Variants in C7orf25 observed in about 807,000 individuals in gnomAD.
C7orf25 encodes UPF0415 protein C7orf25.
In C7orf25, 14 loss-of-function variants were observed where a neutral mutation model predicts 25.5. That is an observed-to-expected ratio of 0.55 (90% CI 0.36 to 0.86). C7orf25 has a LOEUF of 0.86. Among genes scored for constraint, C7orf25 ranks in the 40% least tolerant of loss-of-function variants. The pLI, the probability that C7orf25 is intolerant of heterozygous loss-of-function variation, is 0.01. For synonymous variants in C7orf25, 184 were observed against 179.9 expected (o/e 1.02, Z -0.18); for missense variants, 405 against 493.9 (o/e 0.82, Z 1.71).
Position 42,910,484 on chromosome 7 carries a change from G to A in C7orf25, c.417C>T (p.Asp139=), listed in dbSNP as rs1785864404. ...NIWLGRGQYG[D]KSIIEQAEDF... Reference sequence around the variant, plus strand: ...CTTCAGCCTGCTCAATGATGCTTTTGTCACCATATTGGCCCCTGCCCAGCC... The same window carrying A: ...CTTCAGCCTGCTCAATGATGCTTTTATCACCATATTGGCCCCTGCCCAGCC... Residue 139 remains aspartate (D), a synonymous_variant, in exon 2 of 2, where the codon GAC becomes GAT. Coordinates refer to ENST00000350427, the MANE Select transcript of C7orf25 (RefSeq NM_001099858.2). 4 of 1,614,244 alleles carry A rather than the reference G, an allele frequency of 2.5e-6. No individual in the cohort carries two copies. Among genetic ancestry groups the A allele is most frequent in the Non-Finnish European group, 3.4e-6 (4 of 1,180,044 alleles).
intron 1 of C7orf25, 165 bp from the exon 2 acceptor site, chr7:42,911,086 G>T: frequency 8.6e-7 from 1 of 1,160,068 alleles, no homozygotes; most frequent in Non-Finnish European, 1.2e-6. Context: ...TCCTCTGATA[G>T]CTAAGGAAAG....
chr7:42,911,334 T>C, intron 1 of C7orf25: 1 of 1,132,566 alleles, frequency 8.8e-7, no homozygotes, highest in Non-Finnish European at 1.1e-6. Context: ...ACAGACTGGC[T>C]AGTTAGCAAA....
chr7:42,909,476 G>C lies in C7orf25; in HGVS notation c.*159C>G. On this transcript the variant is annotated 3_prime_UTR_variant, in exon 2 of 2. Coordinates refer to ENST00000350427, the MANE Select transcript of C7orf25 (RefSeq NM_001099858.2). Reference sequence around the variant, plus strand: ...TCTCTCTTGTGCTTTTTCTACTTTGGGAGGTTATATACTTTAGATGAGAGA... The same window carrying C: ...TCTCTCTTGTGCTTTTTCTACTTTGCGAGGTTATATACTTTAGATGAGAGA... 1.4e-6 allele frequency: 1 copy of C among 702,476 alleles called. No individual in the cohort carries two copies. The highest frequency in any genetic ancestry group is 2.3e-6 in the Non-Finnish European group (1 of 442,944). 43.5% of individuals were successfully genotyped at this position (702,476 alleles called of 1,614,324 possible).
rs916437773 is a variant in C7orf25, at chr7:42,910,551, A to G, written c.350T>C (p.Val117Ala). 2 of 1,614,064 alleles carry G rather than the reference A, an allele frequency of 1.2e-6. No individual in the cohort carries two copies. Among genetic ancestry groups the G allele is most frequent in the Non-Finnish European group, 1.7e-6 (2 of 1,180,044 alleles). ...DVVANGGHTWVKAIGRKAEAL... is the reference protein window; with the variant it reads ...DVVANGGHTWAKAIGRKAEAL... ...TTCAGCCTTCCGGCCAATGGCTTTC[A>G]CCCAAGTATGACCACCATTTGCAAC... The change falls in exon 2 of 2, where the codon GTG becomes GCG. Residue 117 changes from valine (V) to alanine (A), a missense_variant. Transcript: ENST00000350427.
At position 42,911,428 on chromosome 7, in the gene C7orf25, C is replaced by T. The variant is rs1002708766; in HGVS notation, c.-22+487G>A. ...CCTTCCCGAGTTGGTCTCCTTCAACCGGCTGCCTCATGATTTCCCCCGAGG... is the reference window on the plus strand; with the variant it reads ...CCTTCCCGAGTTGGTCTCCTTCAACTGGCTGCCTCATGATTTCCCCCGAGG... On this transcript the variant is annotated intron_variant, in intron 1 of 1. Transcript: ENST00000350427. 3 of 1,010,594 alleles carry T rather than the reference C, an allele frequency of 3.0e-6. No individual in the cohort carries two copies. In the East Asian group the frequency reaches 3.1e-4, roughly 105 times the overall value. 62.6% of individuals were successfully genotyped at this position (1,010,594 alleles called of 1,614,324 possible). A position where few individuals can be genotyped will look rare whatever the true frequency, so the allele number is the denominator to read the frequency against.
chr7:42,911,737 C>A (rs1785907695), intron 1 of C7orf25, 178 bp downstream of exon 1: 14 of 1,209,396 alleles, frequency 1.2e-5, no homozygotes, highest in South Asian at 7.5e-5. Flanking sequence ...CACAGCCGGG[C>A]CCTGCCAGGA....
rs745878539 is a variant in C7orf25 at position 42,912,007 on chromosome 7, C to A, written c.-114G>T. On this transcript the variant is annotated 5_prime_UTR_variant, in exon 1 of 2. Coordinates refer to ENST00000350427, the MANE Select transcript of C7orf25 (RefSeq NM_001099858.2). The stretch of plus-strand genomic sequence containing the variant: ...AATCTCAACCGGGCAGCCCCCACCC[C>A]GCTCGAACGCCGAGGCGGCTCCACC... The A allele has an allele frequency of 1.7e-5, 26 of 1,487,316 alleles. No individual in the cohort carries two copies. The highest frequency in any genetic ancestry group is 4.6e-5 in the Admixed American group (2 of 43,670). The allele number at this position is 1,487,316 out of a possible 1,614,324, so 92.1% of individuals were successfully genotyped here.
Position 42,912,034 on chromosome 7 carries a change from G to C in C7orf25, c.-141C>G, listed in dbSNP as rs956692185. 1 of 1,471,208 alleles carries C rather than the reference G, an allele frequency of 6.8e-7. No homozygotes were observed. Among genetic ancestry groups the C allele is most frequent in the Non-Finnish European group, 8.9e-7 (1 of 1,119,532 alleles). The allele number at this position is 1,471,208 out of a possible 1,614,324, so 91.1% of individuals were successfully genotyped here. A position where few individuals can be genotyped will look rare whatever the true frequency, so the allele number is the denominator to read the frequency against. On this transcript the variant is annotated 5_prime_UTR_variant, in exon 1 of 2. Coordinates refer to ENST00000350427, the MANE Select transcript of C7orf25 (RefSeq NM_001099858.2). The stretch of plus-strand genomic sequence containing the variant: ...CTCGAACGCCGAGGCGGCTCCACCC[G>C]CGCGAGCCCCGCCGCCTCGGGCACC...
rs1326491990 is a variant in C7orf25 at position 42,911,947 on chromosome 7, A to C, written c.-54T>G. 6.7e-7 allele frequency: 1 copy of C among 1,485,854 alleles called. No individual in the cohort carries two copies. Among genetic ancestry groups the C allele is most frequent in the Non-Finnish European group, 8.9e-7 (1 of 1,125,716 alleles). The allele number at this position is 1,485,854 out of a possible 1,614,324, so 92.0% of individuals were successfully genotyped here. A position where few individuals can be genotyped will look rare whatever the true frequency, so the allele number is the denominator to read the frequency against. On this transcript the variant is annotated 5_prime_UTR_variant, in exon 1 of 2. Coordinates refer to ENST00000350427, the MANE Select transcript of C7orf25 (RefSeq NM_001099858.2). ...GCCAGAACCGCGAGCGCGAGCACGC[A>C]GGCGCGTGCACGCAGAGGCCGGGAC...
In C7orf25 at chr7:42,910,598, C is replaced by A. The variant is rs773873701; in HGVS notation, c.303G>T (p.Lys101Asn). ...CAACTACATCTACCACAAGGGTTTG[C>A]TTTTCTCCTAAGGTATCTGTATAAC... ...VFGYTDTLGE[K>N]QTLVVDVVAN... Residue 101 changes from lysine to asparagine, a missense_variant, in exon 2 of 2, where the codon AAG becomes AAT. By Grantham distance (94) the Lys-to-Asn change is moderately conservative. Transcript: ENST00000350427. 2 of 1,614,180 alleles carry A rather than the reference C, an allele frequency of 1.2e-6. No individual in the cohort carries two copies. Among genetic ancestry groups the A allele is most frequent in the Non-Finnish European group, 1.7e-6 (2 of 1,180,054 alleles).
Position 42,910,628 on chromosome 7 carries a change from G to A in C7orf25, c.273C>T (p.Val91=). ...NLEEVVSVLH[V]FGYTDTLGEK... The stretch of plus-strand genomic sequence containing the variant: ...CTCCTAAGGTATCTGTATAACCAAA[G>A]ACATGAAGAACACTAACAACTTCTT... The change falls in exon 2 of 2, where the codon GTC becomes GTT. Residue 91 remains valine, a synonymous_variant. Coordinates refer to ENST00000350427, the MANE Select transcript of C7orf25 (RefSeq NM_001099858.2). The A allele has an allele frequency of 1.2e-6, 2 of 1,614,112 alleles. No individual in the cohort carries two copies. Among genetic ancestry groups the A allele is most frequent in the South Asian group, 2.2e-5 (2 of 91,088 alleles).
chr7:42,909,831 C>T lies in C7orf25; in HGVS notation c.1070G>A (p.Arg357His). 5 of 1,614,080 alleles carry T rather than the reference C, an allele frequency of 3.1e-6. No individual in the cohort carries two copies. The highest frequency in any genetic ancestry group is 2.2e-5 in the East Asian group (1 of 44,880). The stretch of plus-strand genomic sequence containing the variant: ...TCCCGTCCCAAAAATTGTTAATGAG[C>T]GGCTATTAATTTTTGAACTGGCCAC... The part of the protein sequence containing the change: ...RLVASSKINS[R>H]SLTIFGTGDT... The change falls in exon 2 of 2, where the codon CGC becomes CAC. Residue 357 changes from arginine (R) to histidine (H), a missense_variant. Arg to His is a conservative substitution (Grantham distance 29). Transcript: ENST00000350427.
At chr7:42,911,667 C>A in intron 1 of C7orf25, 3 of 1,126,082 alleles carry the variant, frequency 2.7e-6, no homozygotes, top group Non-Finnish European at 3.3e-6. Flanking sequence ...GTGGGCGGGC[C>A]AGAGGCCGGC....
Position 42,909,754 on chromosome 7 carries a change from C to A in C7orf25, c.1147G>T (p.Ala383Ser), listed in dbSNP as rs1270800050. 1 of 1,614,202 alleles carries A rather than the reference C, an allele frequency of 6.2e-7. No homozygotes were observed. The change falls in exon 2 of 2, where the codon GCA becomes TCA. Residue 383 changes from alanine to serine, a missense_variant. By Grantham distance (99) the Ala-to-Ser change is moderately conservative. Transcript: ENST00000350427. ...CTAAATTTAACACCCTGGTTGTTTG[C>A]AGCTCTGACAAAACCACTATTAGCA... ...MTANSGFVRA[A>S]NNQGVKFSVF...
Position 42,909,893 on chromosome 7 carries a change from C to T in C7orf25, c.1008G>A (p.Val336=). 6.2e-7 allele frequency: 1 copy of T among 1,614,186 alleles called. No individual in the cohort carries two copies. Among genetic ancestry groups the T allele is most frequent in the Non-Finnish European group, 8.5e-7 (1 of 1,180,048 alleles). Residue 336 remains valine (V), a synonymous_variant, in exon 2 of 2, where the codon GTG becomes GTA. Coordinates refer to ENST00000350427, the MANE Select transcript of C7orf25 (RefSeq NM_001099858.2). The part of the protein sequence containing the change: ...RATVLIKRIN[V]VPDQPSERAL... ...CACGCTCAGAAGGCTGGTCTGGTACCACATTAATTCGCTTAATTAACACAG... is the reference window on the plus strand; with the variant it reads ...CACGCTCAGAAGGCTGGTCTGGTACTACATTAATTCGCTTAATTAACACAG...
At position 42,909,917 on chromosome 7, in the gene C7orf25, A is replaced by C; in HGVS notation, c.984T>G (p.Thr328=). The change falls in exon 2 of 2, where the codon ACT becomes ACG. Residue 328 remains threonine, a synonymous_variant. Coordinates refer to ENST00000350427, the MANE Select transcript of C7orf25 (RefSeq NM_001099858.2). ...CCACATTAATTCGCTTAATTAACAC[A>C]GTGGCCCTCTCTCTCTCCCCAGGTC... ...LGGPGERERA[T]VLIKRINVVP... The C allele has an allele frequency of 6.2e-7, 1 of 1,614,198 alleles. No individual in the cohort carries two copies. The highest frequency in any genetic ancestry group is 8.5e-7 in the Non-Finnish European group (1 of 1,180,036).
chr7:42,911,383 A>G, intron 1 of C7orf25: 2 of 1,066,816 alleles, frequency 1.9e-6, no homozygotes, highest in Non-Finnish European at 2.3e-6. Flanking sequence ...TGAGCACTTC[A>G]GCCTCCCTAA....
rs1785918550 is a variant in C7orf25 at position 42,911,956 on chromosome 7, C to G, written c.-63G>C. On this transcript the variant is annotated 5_prime_UTR_variant, in exon 1 of 2. Transcript: ENST00000350427. The stretch of plus-strand genomic sequence containing the variant: ...GCGAGCGCGAGCACGCAGGCGCGTG[C>G]ACGCAGAGGCCGGGACCCGCCGGGA... 2.0e-6 allele frequency: 3 copies of G among 1,490,624 alleles called. No homozygotes were observed. The highest frequency in any genetic ancestry group is 2.2e-5 in the Admixed American group (1 of 44,690). 92.3% of individuals were successfully genotyped at this position (1,490,624 alleles called of 1,614,324 possible). A position where few individuals can be genotyped will look rare whatever the true frequency, so the allele number is the denominator to read the frequency against.
rs147481147 is a variant in C7orf25, at chr7:42,910,128, T to C, written c.773A>G (p.Tyr258Cys). 3.8e-5 allele frequency: 61 copies of C among 1,614,088 alleles called. No individual in the cohort carries two copies. The highest frequency in any genetic ancestry group is 5.0e-5 in the Non-Finnish European group (59 of 1,180,062). ...GCCTCCATAGCTGAGGGCAGATACA[T>C]ATGTGATTAAAGTAGTAATGTCCAG... ...VNLDITTLITYVSALSYGGCH... is the reference protein window; with the variant it reads ...VNLDITTLITCVSALSYGGCH... The change falls in exon 2 of 2, where the codon TAT becomes TGT. Residue 258 changes from tyrosine to cysteine, a missense_variant. By Grantham distance (194) the Tyr-to-Cys change is radical. Coordinates refer to ENST00000350427, the MANE Select transcript of C7orf25 (RefSeq NM_001099858.2).
Sources: gnomAD v4.1 joint callset for allele counts on GRCh38, gnomAD v4.1.1 for gene constraint, MANE v1.5 for transcripts, NCBI Gene and HGNC (gene_info 2026-07-23, HGNC 2026-07-21) for gene names.